Variants in ASIC4 observed in about 807,000 individuals in gnomAD.
The protein encoded by ASIC4 is acid-sensing ion channel 4.
In ASIC4, 28 loss-of-function variants were observed where a neutral mutation model predicts 53.4. That is an observed-to-expected ratio of 0.52 (90% CI 0.39 to 0.72). The LOEUF (loss-of-function observed/expected upper bound fraction) is 0.72, where lower values mean the gene tolerates loss of function less well. ASIC4 is among the 30% of genes least tolerant of loss of function. The pLI, the probability that ASIC4 is intolerant of heterozygous loss-of-function variation, is 0.00. For synonymous variants in ASIC4, 289 were observed against 301.4 expected (o/e 0.96, Z 0.43); for missense variants, 649 against 729.7 (o/e 0.89, Z 1.27).
upstream of ASIC4, chr2:219,514,456 A>G (rs1447971460): frequency 6.5e-7 from 1 of 1,550,008 alleles, no homozygotes; most frequent in East Asian, 2.4e-5. Context: ...GCTGGTGCTG[A>G]TAAGGGAAGC....
chr2:219,514,188 G>C, upstream of ASIC4: 5 of 913,108 alleles, frequency 5.5e-6, no homozygotes, highest in Non-Finnish European at 8.0e-6. Context: ...AGCGGCTAGG[G>C]TGCAGCAGGA....
chr2:219,533,283 T>A, intron 5 of ASIC4: 1 of 425,620 alleles, frequency 2.3e-6, no homozygotes, highest in South Asian at 2.5e-5. Context: ...TTGCTGGCTA[T>A]CGGTGTGGGT....
At position 219,537,200 on chromosome 2, in the gene ASIC4, C is replaced by T. The variant is rs376408717; in HGVS notation, c.1322-42C>T. ...GCCCCCAGCTTGTGTGGGGGTGGATCGGCCCGGCCGCTCCCTCTGACACTG... is the reference window on the plus strand; with the variant it reads ...GCCCCCAGCTTGTGTGGGGGTGGATTGGCCCGGCCGCTCCCTCTGACACTG... On this transcript the variant is annotated intron_variant, in intron 7 of 9. Transcript: ENST00000358078. The surrounding 1 kb of genome is among the most constrained non-coding windows in gnomAD (Gnocchi z 4.9). 14 of 1,611,360 alleles carry T rather than the reference C, an allele frequency of 8.7e-6. No homozygotes were observed. Among genetic ancestry groups the T allele is most frequent in the East Asian group, 2.2e-5 (1 of 44,804 alleles).
In ASIC4 at chr2:219,517,673, G is replaced by A. The variant is rs990175392; in HGVS notation, c.582+2367G>A. ...GGGGAAAGACTGGAGAATGGGCATG[G>A]AGATGAAGATATGGGGTCTCCAAAA... On this transcript the variant is annotated intron_variant, in intron 1 of 9. Transcript: ENST00000358078. The surrounding 1 kb of genome is among the most constrained non-coding windows in gnomAD (Gnocchi z 4.2). Among the ~76,000 whole-genome samples, 2 of 152,144 alleles carry A rather than the reference G, an allele frequency of 1.3e-5. No homozygotes were observed. Among genetic ancestry groups the A allele is most frequent in the Admixed American group, 1.3e-4 (2 of 15,268 alleles).
At chr2:219,511,476 TG>T (rs1164865457), upstream of ASIC4, among the ~76,000 whole-genome samples, 1 of 150,704 alleles carries the variant, frequency 6.6e-6, no homozygotes, top group African/African-American at 2.4e-5. This position sits in a 1 kb window ranked among gnomAD's most constrained non-coding sequence, Gnocchi z 5.3. Flanking sequence ...GCTCATCCCC[TG>T]GGGGGCGGAG....
intron 1 of ASIC4, among the ~76,000 whole-genome samples, chr2:219,519,555 A>G (rs1373452572): frequency 2.0e-5 from 3 of 152,244 alleles, no homozygotes; most frequent in Non-Finnish European, 4.4e-5. Context: ...AGTGCTGCCA[A>G]TAGAACATTC....
chr2:219,513,642 G>A (rs1694730518), upstream of ASIC4, among the ~76,000 whole-genome samples: 1 of 152,182 alleles, frequency 6.6e-6, no homozygotes, highest in Non-Finnish European at 1.5e-5. Flanking sequence ...TCCCTGGCTT[G>A]CTTACCCAAC....
rs1221348348 is a variant in ASIC4 at position 219,532,018 on chromosome 2, G to T, written c.745G>T (p.Ala249Ser). 1 of 1,614,226 alleles carries T rather than the reference G, an allele frequency of 6.2e-7. No individual in the cohort carries two copies. The highest frequency in any genetic ancestry group is 1.3e-5 in the African/African-American group (1 of 75,076). ...WRETNETSFE[A>S]GIRVQIHSQE... ...CTGTGCAGATGAGACGTCGTTTGAGGCAGGTATTCGGGTGCAGATCCACAG... is the reference window on the plus strand; with the variant it reads ...CTGTGCAGATGAGACGTCGTTTGAGTCAGGTATTCGGGTGCAGATCCACAG... Residue 249 changes from alanine to serine, a missense_variant, in exon 3 of 10, where the codon GCA becomes TCA. Transcript: ENST00000358078.
upstream of ASIC4, among the ~76,000 whole-genome samples, chr2:219,512,101 C>A (rs1476498824): frequency 1.3e-5 from 2 of 151,738 alleles, no homozygotes; most frequent in East Asian, 3.9e-4. Flanking sequence ...AGACAGCTGG[C>A]TGTGGGGCAG....
intron 1 of ASIC4, among the ~76,000 whole-genome samples, chr2:219,522,724 C>T (rs1694906750): frequency 6.6e-6 from 1 of 152,086 alleles, no homozygotes; most frequent in Admixed American, 6.5e-5. Flanking sequence ...CCCCCGCCCC[C>T]GTCGCCCCCT....
chr2:219,514,760 TGAG>T lies in ASIC4; in HGVS notation c.42_44del (p.Glu14del), dbSNP rs1215057064. 3.1e-6 allele frequency: 5 copies of T among 1,613,398 alleles called. No homozygotes were observed. Among genetic ancestry groups the T allele is most frequent in the Non-Finnish European group, 4.2e-6 (5 of 1,179,998 alleles). On this transcript the variant is annotated inframe_deletion, in exon 1 of 10. Transcript: ENST00000358078. Reference sequence around the variant, plus strand: ...AGATTGTGTGCAAAATCAAATTTGCTGAGGAGGATGCGAAACCCAAGGAGAAGG... The same window carrying T: ...AGATTGTGTGCAAAATCAAATTTGCTGAGGATGCGAAACCCAAGGAGAAGG...
chr2:219,519,015 T>C (rs552455784), intron 1 of ASIC4, among the ~76,000 whole-genome samples: 6 of 152,138 alleles, frequency 3.9e-5, no homozygotes, highest in South Asian at 2.1e-4. Flanking sequence ...TGCCATTCTC[T>C]TGCCTCAGCC....
the ASIC4 span, among the ~76,000 whole-genome samples, chr2:219,507,887 C>G: frequency 6.6e-6 from 1 of 152,068 alleles, no homozygotes; most frequent in African/African-American, 2.4e-5. Context: ...GGGACAGAGC[C>G]CAGGGTTTCA....
Position 219,537,988 on chromosome 2 carries a change from C to T in ASIC4, c.1562C>T (p.Pro521Leu), listed in dbSNP as rs765378923. 3 of 1,613,198 alleles carry T rather than the reference C, an allele frequency of 1.9e-6. No individual in the cohort carries two copies. The highest frequency in any genetic ancestry group is 2.2e-5 in the East Asian group (1 of 44,836). ...VEGGGVSSLL[P>L]NHHHPHGPPG... The stretch of plus-strand genomic sequence containing the variant: ...GGTGGGGGGGTCAGCAGTCTGCTCC[C>T]CAATCACCACCACCCCCACGGTCCC... The change falls in exon 10 of 10, where the codon CCC becomes CTC. Residue 521 changes from proline to leucine, a missense_variant. Physicochemically the swap from Pro to Leu is moderately conservative, Grantham distance 98. Transcript: ENST00000358078. This position sits in a 1 kb window ranked among gnomAD's most constrained non-coding sequence, Gnocchi z 4.9.
intron 4 of ASIC4, 130 bp downstream of exon 4, chr2:219,532,607 G>A: frequency 4.7e-6 from 6 of 1,283,946 alleles, no homozygotes; most frequent in South Asian, 4.5e-5. Flanking sequence ...GTACCCGTGT[G>A]AGTGTGAGTG....
upstream of ASIC4, among the ~76,000 whole-genome samples, chr2:219,510,398 G>A (rs1339253184): frequency 2.0e-5 from 3 of 152,114 alleles, no homozygotes. The surrounding 1 kb of genome is among the most constrained non-coding windows in gnomAD (Gnocchi z 5.2). Context: ...TGTGGCTACT[G>A]GCTGACACCG....
intron 1 of ASIC4, among the ~76,000 whole-genome samples, chr2:219,529,743 G>C (rs1479564858): frequency 2.6e-5 from 4 of 152,192 alleles, no homozygotes; most frequent in Admixed American, 2.6e-4. Flanking sequence ...AGCTGGTACT[G>C]AGGGGATGTG....
At chr2:219,523,821 G>A (rs1176919275) in intron 1 of ASIC4, among the ~76,000 whole-genome samples, 2 of 119,360 alleles carry the variant, frequency 1.7e-5, no homozygotes. Context: ...TGCCCCATAA[G>A]CACTTTTTTT....
chr2:219,522,331 G>A (rs1247816808), intron 1 of ASIC4, among the ~76,000 whole-genome samples: 2 of 151,686 alleles, frequency 1.3e-5, no homozygotes, highest in African/African-American at 2.4e-5. Flanking sequence ...GCTTACAAAT[G>A]TGTGGAAGGT....
Sources: gnomAD v4.1 joint callset for allele counts (sites outside exome capture counted in the v4.1 genomes callset) on GRCh38, gnomAD v4.1.1 for gene constraint, Gnocchi (gnomAD v3.1) non-coding constraint, MANE v1.5 for transcripts, NCBI Gene and HGNC (gene_info 2026-07-23, HGNC 2026-07-21) for gene names.